The following TRAPPC3L variants were observed in gnomAD, a reference collection of about 807,000 sequenced individuals.
The protein encoded by TRAPPC3L is trafficking protein particle complex subunit 3-like protein.
Under a neutral mutation model 23.7 loss-of-function variants are expected in TRAPPC3L, and 23 were observed. The ratio of observed to expected loss-of-function variants is 0.97; its 90% CI spans 0.70 to 1.37. TRAPPC3L has a LOEUF of 1.37. Ranked by LOEUF, TRAPPC3L falls within the 40% of genes most tolerant of loss-of-function variation. The pLI, the probability that TRAPPC3L is intolerant of heterozygous loss-of-function variation, is 0.00. For synonymous variants in TRAPPC3L, 81 were observed against 77.9 expected (o/e 1.04, Z -0.21); for missense variants, 212 against 216.8 (o/e 0.98, Z 0.14).
intron 3 of TRAPPC3L, among the ~76,000 whole-genome samples, chr6:116,527,903 G>A (rs1009881221): frequency 3.3e-5 from 5 of 152,166 alleles, no homozygotes; most frequent in Admixed American, 6.5e-5. Flanking sequence ...CATGACACAT[G>A]TATACCTATG....
intron 3 of TRAPPC3L, among the ~76,000 whole-genome samples, chr6:116,509,163 A>T (rs765931825): frequency 1.3e-5 from 2 of 151,852 alleles, no homozygotes; most frequent in Non-Finnish European, 1.5e-5. Flanking sequence ...CTATAAGGAG[A>T]ACTATAAAAT....
intron 3 of TRAPPC3L, among the ~76,000 whole-genome samples, chr6:116,510,711 C>CA (rs1206754091): frequency 6.6e-6 from 1 of 151,908 alleles, no homozygotes; most frequent in Non-Finnish European, 1.5e-5. Context: ...AACACCTGCA[C>CA]ATGTATATTT....
chr6:116,514,481 T>C (rs148631829), intron 3 of TRAPPC3L, among the ~76,000 whole-genome samples: 41 of 152,322 alleles, frequency 2.7e-4, no homozygotes, highest in African/African-American at 9.4e-4. Flanking sequence ...TAGCAGCATA[T>C]AATATTAGCT....
intron 3 of TRAPPC3L, among the ~76,000 whole-genome samples, chr6:116,501,415 A>C (rs2352481): frequency 0.39 from 59,885 of 152,172 alleles, 12,913 homozygotes; most frequent in East Asian, 0.54. Context: ...CTGCCTCCTT[A>C]GATTCCACCT....
At chr6:116,504,848 G>C (rs1266448104) in intron 3 of TRAPPC3L, among the ~76,000 whole-genome samples, 1 of 152,100 alleles carries the variant, frequency 6.6e-6, no homozygotes, top group Non-Finnish European at 1.5e-5. Flanking sequence ...CTATAAACTA[G>C]GTATTGATGG....
At chr6:116,497,306 G>A (rs907678146) in intron 4 of TRAPPC3L, among the ~76,000 whole-genome samples, 3 of 152,198 alleles carry the variant, frequency 2.0e-5, no homozygotes, top group African/African-American at 7.2e-5. Flanking sequence ...TAGGATGACT[G>A]GGACACCCAG....
rs183467879 is a variant in TRAPPC3L, at chr6:116,504,419, C to T, written c.241-3753G>A. Among the ~76,000 whole-genome samples, 435 of 152,248 alleles carry T rather than the reference C, an allele frequency of 2.9e-3. 4 individuals carry two copies. The highest frequency in any genetic ancestry group is 0.01 in the African/African-American group (421 of 41,532). ...CTACCAACCGAAAAAAGTCCAGGAC[C>T]AGACGGATTCACAGCCAAATTCTAC... is the stretch of plus-strand genomic sequence containing the variant. On this transcript the variant is annotated intron_variant, in intron 3 of 4. Coordinates refer to ENST00000368602, the MANE Select transcript of TRAPPC3L (RefSeq NM_001139444.3).
chr6:116,516,225 C>T, intron 3 of TRAPPC3L: 1 of 404,086 alleles, frequency 2.5e-6, no homozygotes. Flanking sequence ...GCTCAGTAGG[C>T]CTAAATGTTG....
chr6:116,526,152 C>T (rs1382907816), intron 3 of TRAPPC3L, among the ~76,000 whole-genome samples: 2 of 152,242 alleles, frequency 1.3e-5, no homozygotes, highest in Non-Finnish European at 2.9e-5. Context: ...TTCCCTACCT[C>T]TTTCCCTATA....
chr6:116,535,018 A>G (rs780691612), intron 3 of TRAPPC3L, among the ~76,000 whole-genome samples: 2 of 152,170 alleles, frequency 1.3e-5, no homozygotes, highest in Non-Finnish European at 2.9e-5. Flanking sequence ...CCTGAGAGCA[A>G]AAAGCTTCTC....
chr6:116,502,754 A>G (rs1562336224), intron 3 of TRAPPC3L, among the ~76,000 whole-genome samples: 1 of 152,236 alleles, frequency 6.6e-6, no homozygotes, highest in Non-Finnish European at 1.5e-5. Context: ...TTCAACACAG[A>G]ATTGCATATC....
At position 116,540,365 on chromosome 6, in the gene TRAPPC3L, G is replaced by A. The variant is rs1392919256; in HGVS notation, c.238C>T (p.Gln80Ter). The A allele has an allele frequency of 1.3e-6, 2 of 1,549,788 alleles. No individual in the cohort carries two copies. Among genetic ancestry groups the A allele is most frequent in the Admixed American group, 3.9e-5 (2 of 50,850 alleles). Residue 80 changes from glutamine (Q) to a stop codon, truncating the protein, a stop_gained and splice_region_variant, in exon 3 of 5, where the codon CAG becomes TAG. Coordinates refer to ENST00000368602, the MANE Select transcript of TRAPPC3L (RefSeq NM_001139444.3). LOFTEE classifies it high-confidence loss of function. Reference protein sequence around the residue: ...SYSEIIDIIAQVAFKMYLGIT... With the variant: ...SYSEIIDIIA ...GACAGAGATAAAAACATAGTTACCT[G>A]GGCAATTATGTCTATAATTTCTGAA...
chr6:116,503,606 T>A (rs1014734777), intron 3 of TRAPPC3L, among the ~76,000 whole-genome samples: 1 of 152,176 alleles, frequency 6.6e-6, no homozygotes, highest in African/African-American at 2.4e-5. Context: ...TATTCTAACA[T>A]TGACCACATA....
intron 3 of TRAPPC3L, among the ~76,000 whole-genome samples, chr6:116,509,318 A>G (rs752934282): frequency 2.6e-5 from 4 of 152,076 alleles, no homozygotes; most frequent in Non-Finnish European, 5.9e-5. Context: ...TACCAACATA[A>G]TTTTTCACAG....
At chr6:116,500,025 C>T (rs549467845) in intron 4 of TRAPPC3L, among the ~76,000 whole-genome samples, 1 of 152,218 alleles carries the variant, frequency 6.6e-6, no homozygotes, top group Admixed American at 6.5e-5. Context: ...TCAGGTAGCA[C>T]CCTCCTACAT....
At chr6:116,498,896 T>A (rs2806720) in intron 4 of TRAPPC3L, among the ~76,000 whole-genome samples, 2 of 152,152 alleles carry the variant, frequency 1.3e-5, no homozygotes, top group Non-Finnish European at 2.9e-5. Context: ...TTGCTTCCTA[T>A]GGTTCTGTTA....
intron 3 of TRAPPC3L, chr6:116,516,096 G>A (rs776276366): frequency 3.8e-5 from 53 of 1,410,808 alleles, no homozygotes; most frequent in Non-Finnish European, 4.8e-5. Flanking sequence ...TACATTTGGA[G>A]TATGTTTACA....
intron 3 of TRAPPC3L, among the ~76,000 whole-genome samples, chr6:116,507,680 G>A (rs982876759): frequency 9.9e-5 from 15 of 152,120 alleles, no homozygotes; most frequent in Admixed American, 9.8e-4. Flanking sequence ...ATCCCCTGTG[G>A]GTCTTGGTTG....
intron 3 of TRAPPC3L, among the ~76,000 whole-genome samples, chr6:116,504,402 C>G (rs903052278): frequency 3.9e-5 from 6 of 151,980 alleles, no homozygotes; most frequent in East Asian, 1.9e-4. Flanking sequence ...GCCTACCAAC[C>G]GAAAAAAGTC....
Sources: gnomAD v4.1 joint callset for allele counts (sites outside exome capture counted in the v4.1 genomes callset) on GRCh38, gnomAD v4.1.1 for gene constraint, MANE v1.5 for transcripts, NCBI Gene and HGNC (gene_info 2026-07-23, HGNC 2026-07-21) for gene names.